The following TMEM178B variants were observed in gnomAD, a reference collection of about 807,000 sequenced individuals.
The protein encoded by TMEM178B is transmembrane protein 178B.
In TMEM178B, 5 loss-of-function variants were observed where a neutral mutation model predicts 31.0. The observed-to-expected ratio is 0.16, with a 90% CI of 0.08 to 0.34. The LOEUF (loss-of-function observed/expected upper bound fraction) is 0.34. Among genes scored for constraint, TMEM178B ranks in the 10% least tolerant of loss-of-function variants. The pLI is 1.00. For missense variants in TMEM178B, 275 were observed against 400.3 expected (o/e 0.69, Z 2.67); for synonymous variants, 164 against 164.0 (o/e 1.00, Z 0.00).
chr7:141,209,094 G>A (rs1192630100), intron 1 of TMEM178B, among the ~76,000 whole-genome samples: 1 of 152,210 alleles, frequency 6.6e-6, no homozygotes. Flanking sequence ...CAGTGCCCAG[G>A]TATCCCTGGG....
chr7:141,239,263 AG>A (rs1797578442), intron 2 of TMEM178B, among the ~76,000 whole-genome samples: 2 of 152,058 alleles, frequency 1.3e-5, no homozygotes. Flanking sequence ...CTTGAAATGG[AG>A]CTTTGTATGC....
At position 141,257,262 on chromosome 7, in the gene TMEM178B, TG is replaced by T. The variant is rs201833008; in HGVS notation, c.496+44560del. On this transcript the variant is annotated intron_variant, in intron 2 of 3. Coordinates refer to ENST00000565468, the MANE Select transcript of TMEM178B (RefSeq NM_001195278.2). ...AAAATTCAGAACCAGGGAAACTAGC[TG>T]GTTGTTGGTGATCCTCTAATAATGG... Among the ~76,000 whole-genome samples, 105 of 152,354 alleles carry T rather than the reference TG, an allele frequency of 6.9e-4. No individual in the cohort carries two copies. The East Asian group carries it at 0.017, about 25-fold the overall frequency.
intron 2 of TMEM178B, among the ~76,000 whole-genome samples, chr7:141,324,313 C>T (rs1161585664): frequency 6.7e-6 from 1 of 149,222 alleles, no homozygotes; most frequent in East Asian, 2.0e-4. Context: ...AGAGTGACAG[C>T]AGGGAAGATG....
At chr7:141,399,420 AG>A (rs1311382624) in intron 2 of TMEM178B, among the ~76,000 whole-genome samples, 6 of 152,248 alleles carry the variant, frequency 3.9e-5, no homozygotes, top group Non-Finnish European at 8.8e-5. Context: ...ATATATAGTC[AG>A]GGCAGAATCA....
At chr7:141,292,375 G>C (rs1173303056) in intron 2 of TMEM178B, among the ~76,000 whole-genome samples, 1 of 152,074 alleles carries the variant, frequency 6.6e-6, no homozygotes, top group Non-Finnish European at 1.5e-5. Context: ...TCTTGTCTAG[G>C]AGTCCTTTAT....
chr7:141,499,912 G>A, the TMEM178B span, among the ~76,000 whole-genome samples: 9 of 152,310 alleles, frequency 5.9e-5, no homozygotes, highest in African/African-American at 2.2e-4. Flanking sequence ...GTAATGTGAT[G>A]TATCTTTAAA....
chr7:141,331,682 G>A (rs1287208664), intron 2 of TMEM178B, among the ~76,000 whole-genome samples: 5 of 152,148 alleles, frequency 3.3e-5, no homozygotes, highest in East Asian at 1.9e-4. Flanking sequence ...AATGGGGAGG[G>A]GTAGTTGGAA....
At chr7:141,270,715 T>G (rs141524078) in intron 2 of TMEM178B, among the ~76,000 whole-genome samples, 15 of 152,352 alleles carry the variant, frequency 9.8e-5, no homozygotes, top group African/African-American at 3.6e-4. Flanking sequence ...CTCCAGAAAC[T>G]GAAGCATAGC....
In TMEM178B at chr7:141,269,792, G is replaced by C. The variant is rs572292895; in HGVS notation, c.496+57088G>C. ...AGTTGTGTGACTTTGCGGCCAGGCA[G>C]GGTGGCTCACACCTGTAATCCCAGC... On this transcript the variant is annotated intron_variant, in intron 2 of 3. Coordinates refer to ENST00000565468, the MANE Select transcript of TMEM178B (RefSeq NM_001195278.2). Among the ~76,000 whole-genome samples, 83 of 152,206 alleles carry C rather than the reference G, an allele frequency of 5.5e-4. 1 individual carries two copies. The South Asian group carries it at 0.017, about 31-fold the overall frequency.
chr7:141,128,975 T>C (rs1370572948), intron 1 of TMEM178B, among the ~76,000 whole-genome samples: 2 of 152,178 alleles, frequency 1.3e-5, no homozygotes, highest in African/African-American at 4.8e-5. Flanking sequence ...CCATGCATGA[T>C]GTTTCAGTTA....
At chr7:141,206,331 A>C (rs555216526) in intron 1 of TMEM178B, among the ~76,000 whole-genome samples, 4 of 152,186 alleles carry the variant, frequency 2.6e-5, no homozygotes, top group Non-Finnish European at 5.9e-5. Flanking sequence ...AGAGTGATGC[A>C]TTTGGAAGTG....
rs1021886023 is a variant in TMEM178B, at chr7:141,215,316, TTTA to T, written c.496+2633_496+2635del. Among the ~76,000 whole-genome samples the T allele has an allele frequency of 1.1e-4, 16 of 144,182 alleles. 1 individual carries two copies. Among genetic ancestry groups the T allele is most frequent in the Non-Finnish European group, 2.0e-4 (13 of 66,100 alleles). 94.6% of individuals were successfully genotyped at this position (144,182 alleles called of 152,430 possible). The stretch of plus-strand genomic sequence containing the variant: ...TTTTCATTCTAGATTGGTTATCATC[TTTA>T]TTATTATTATTATTATTATTTTTTG... On this transcript the variant is annotated intron_variant, in intron 2 of 3. Transcript: ENST00000565468.
intron 2 of TMEM178B, among the ~76,000 whole-genome samples, chr7:141,315,073 G>T (rs1798977745): frequency 6.6e-6 from 1 of 152,046 alleles, no homozygotes; most frequent in South Asian, 2.1e-4. Context: ...TTCTGTTTTG[G>T]GGCATGTATC....
the TMEM178B span, among the ~76,000 whole-genome samples, chr7:141,502,768 C>CAAAA: frequency 1.7e-5 from 1 of 57,570 alleles, no homozygotes; most frequent in Admixed American, 1.4e-4. Context: ...GAAACTCAGT[C>CAAAA]TAAAAAAAAA....
At chr7:141,259,171 A>G (rs1399343412) in intron 2 of TMEM178B, among the ~76,000 whole-genome samples, 1 of 152,068 alleles carries the variant, frequency 6.6e-6, no homozygotes, top group Non-Finnish European at 1.5e-5. Context: ...TTTAGATTGC[A>G]TGATTTCTAT....
intron 3 of TMEM178B, among the ~76,000 whole-genome samples, chr7:141,454,900 C>T (rs953996916): frequency 3.3e-5 from 5 of 151,878 alleles, no homozygotes; most frequent in East Asian, 1.9e-4. Flanking sequence ...TCTCATTCCT[C>T]GAATAAACCC....
At chr7:141,308,607 A>G (rs904130563) in intron 2 of TMEM178B, among the ~76,000 whole-genome samples, 14 of 152,176 alleles carry the variant, frequency 9.2e-5, no homozygotes, top group Non-Finnish European at 4.4e-5. Context: ...AAACAGATAC[A>G]TGTGGGGCTG....
chr7:141,122,297 A>T (rs1021228479), intron 1 of TMEM178B, among the ~76,000 whole-genome samples: 1 of 152,192 alleles, frequency 6.6e-6, no homozygotes, highest in African/African-American at 2.4e-5. Context: ...AGACTTTTCA[A>T]AAGGGGAAAA....
intron 1 of TMEM178B, among the ~76,000 whole-genome samples, chr7:141,104,149 T>A (rs1795102466): frequency 6.6e-6 from 1 of 152,198 alleles, no homozygotes; most frequent in Non-Finnish European, 1.5e-5. Flanking sequence ...CATGATTTGC[T>A]TTTCCCCGAC....
Sources: gnomAD v4.1 joint callset for allele counts (sites outside exome capture counted in the v4.1 genomes callset) on GRCh38, gnomAD v4.1.1 for gene constraint, MANE v1.5 for transcripts, NCBI Gene and HGNC (gene_info 2026-07-23, HGNC 2026-07-21) for gene names.